The following KRT10 variants were observed in gnomAD, a reference collection of about 807,000 sequenced individuals.
KRT10 encodes the protein keratin, type I cytoskeletal 10.
In KRT10, 40 loss-of-function variants were observed where a neutral mutation model predicts 59.2. The ratio of observed to expected loss-of-function variants is 0.68; its 90% CI spans 0.52 to 0.88. KRT10 has a LOEUF of 0.88. Ranked by LOEUF, KRT10 falls within the 40% of genes least tolerant of loss-of-function variation. The pLI, the probability that KRT10 is intolerant of heterozygous loss-of-function variation, is 0.00. For missense variants in KRT10, 719 were observed against 749.1 expected (o/e 0.96, Z 0.47); for synonymous variants, 336 against 310.7 (o/e 1.08, Z -0.86).
At position 40,822,345 on chromosome 17, in the gene KRT10, C is replaced by A; in HGVS notation, c.241G>T (p.Gly81Cys). 6.3e-7 allele frequency: 1 copy of A among 1,599,052 alleles called. No homozygotes were observed. Among genetic ancestry groups the A allele is most frequent in the Non-Finnish European group, 8.5e-7 (1 of 1,171,740 alleles). Reference protein sequence around the residue: ...SGGYGGLGGFGGGSFRGSYGS... With the variant: ...SGGYGGLGGFCGGSFRGSYGS... ...TAGCTTCCACGAAAGCTACCTCCAC[C>A]AAAACCTCCTAATCCTCCATAGCCA... Residue 81 changes from glycine to cysteine, a missense_variant, in exon 1 of 8, where the codon GGT becomes TGT. Around this residue, in one of 4 missense-constraint regions of KRT10, gnomAD observed 176 missense variants for 175.7 expected, o/e 1.00. Transcript: ENST00000269576.
chr17:40,818,590 C>T, intron 7 of KRT10, 108 bp from the exon 8 acceptor site: 1 of 1,247,948 alleles, frequency 8.0e-7, no homozygotes, highest in Non-Finnish European at 1.2e-6. Context: ...TTGTTAAGCC[C>T]AAAAAAATGC....
In KRT10 at chr17:40,819,148, C is replaced by T. The variant is rs1436403533; in HGVS notation, c.1387G>A (p.Gly463Arg). Residue 463 changes from glycine (G) to arginine (R), a missense_variant, in exon 7 of 8, where the codon GGA (glycine) becomes AGA (arginine). Around this residue, in one of 4 missense-constraint regions of KRT10, gnomAD observed 315 missense variants for 270.6 expected, o/e 1.16. Transcript: ENST00000269576. ...LEGEGSSGGG[G>R]RGGGSFGGGY... is the part of the protein sequence containing the mutation. Reference sequence around the variant, plus strand: ...CCGCCGAAACTTCCGCCGCCGCGTCCGCCGCCTCCGGAACTAAACGGGGTG... The same window carrying T: ...CCGCCGAAACTTCCGCCGCCGCGTCTGCCGCCTCCGGAACTAAACGGGGTG... 3.2e-6 allele frequency: 5 copies of T among 1,543,190 alleles called. No homozygotes were observed. Among genetic ancestry groups the T allele is most frequent in the Non-Finnish European group, 3.5e-6 (4 of 1,154,548 alleles).
chr17:40,820,268 A>G lies in KRT10; in HGVS notation c.1023T>C (p.Asn341=), dbSNP rs1274036860. The G allele has an allele frequency of 1.4e-5, 22 of 1,614,102 alleles. No individual in the cohort carries two copies. Among genetic ancestry groups the G allele is most frequent in the Non-Finnish European group, 1.9e-5 (22 of 1,180,050 alleles). ...QNRKDAEAWF[N]EKSKELTTEI... ...ATAAGGAAGATTACTTTACCTTTTC[A>G]TTGAACCAGGCTTCAGCATCTTTGC... Residue 341 remains asparagine (N), a synonymous_variant, in exon 4 of 8, where the codon AAT becomes AAC. Transcript: ENST00000269576.
chr17:40,819,272 C>T (rs930341331), intron 6 of KRT10, 111 bp from the exon 7 acceptor site: 2 of 1,558,668 alleles, frequency 1.3e-6, no homozygotes, highest in African/African-American at 2.7e-5. Flanking sequence ...AAAATAAAAC[C>T]CTGCCAGGTA....
chr17:40,819,013 TTC>T lies in KRT10; in HGVS notation c.1520_1521del (p.Gly507GlufsTer73). The T allele has an allele frequency of 8.0e-7, 1 of 1,246,602 alleles. No individual in the cohort carries two copies. The highest frequency in any genetic ancestry group is 1.8e-5 in the South Asian group (1 of 56,266). 77.2% of individuals were successfully genotyped at this position (1,246,602 alleles called of 1,614,324 possible). On this transcript the variant is annotated frameshift_variant, in exon 7 of 8. Coordinates refer to ENST00000269576, the MANE Select transcript of KRT10 (RefSeq NM_000421.5). LOFTEE classifies it high-confidence loss of function. ...GGYGGGSSGG[G>X]SSGGGYGGGS... ...CCGCCCCCGTAGCCGCCGCCGGAGC[TTC>T]CGCCGCCGGAGCTTCCGCCTCCGTA...
At position 40,822,399 on chromosome 17, in the gene KRT10, C is replaced by A. The variant is rs779464426; in HGVS notation, c.187G>T (p.Gly63Cys). 11 of 1,612,624 alleles carry A rather than the reference C, an allele frequency of 6.8e-6. No individual in the cohort carries two copies. Among genetic ancestry groups the A allele is most frequent in the Non-Finnish European group, 9.3e-6 (11 of 1,179,094 alleles). ...GATGAGCCCCCAAAGCAGCCCCCAC[C>A]AGAGCTCCCACGGCTAAAAGAGCCA... ...SGGSFSRGSS[G>C]GGCFGGSSGG... The change falls in exon 1 of 8, where the codon GGT becomes TGT. Residue 63 changes from glycine to cysteine, a missense_variant. By Grantham distance (159) the Gly-to-Cys change is radical. Coordinates refer to ENST00000269576, the MANE Select transcript of KRT10 (RefSeq NM_000421.5).
Position 40,822,258 on chromosome 17 carries a change from C to A in KRT10, c.328G>T (p.Gly110Cys). Residue 110 changes from glycine (G) to cysteine (C), a missense_variant, in exon 1 of 8, where the codon GGC becomes TGC. Around this residue, in one of 4 missense-constraint regions of KRT10, gnomAD observed 176 missense variants for 175.7 expected, o/e 1.00. Transcript: ENST00000269576. ...CCAAAGCTGCCCCCACCAAAGCTGCCACCTCCGAAACTGCCCCCTCCAAAG... is the reference window on the plus strand; with the variant it reads ...CCAAAGCTGCCCCCACCAAAGCTGCAACCTCCGAAACTGCCCCCTCCAAAG... Reference protein sequence around the residue: ...GIFGGGSFGGGSFGGGSFGGG... With the variant: ...GIFGGGSFGGCSFGGGSFGGG... The A allele has an allele frequency of 1.2e-6, 2 of 1,604,490 alleles. No individual in the cohort carries two copies. Among genetic ancestry groups the A allele is most frequent in the South Asian group, 2.2e-5 (2 of 90,626 alleles).
chr17:40,822,306 A>G lies in KRT10; in HGVS notation c.280T>C (p.Phe94Leu). The G allele has an allele frequency of 6.3e-7, 1 of 1,597,226 alleles. No homozygotes were observed. The highest frequency in any genetic ancestry group is 8.5e-7 in the Non-Finnish European group (1 of 1,171,216). ...SFRGSYGSSS[F>L]GGSYGGIFGG... ...AAGATGCCTCCATAACTCCCACCAAAGCTGCTACTTCCATAGCTTCCACGA... is the reference window on the plus strand; with the variant it reads ...AAGATGCCTCCATAACTCCCACCAAGGCTGCTACTTCCATAGCTTCCACGA... Residue 94 changes from phenylalanine to leucine, a missense_variant, in exon 1 of 8, where the codon TTT becomes CTT. Phe to Leu is a conservative substitution (Grantham distance 22, BLOSUM62 0). This residue lies in a region of KRT10 where 176 missense variants were observed against 175.7 expected (regional missense o/e 1.00). Transcript: ENST00000269576.
chr17:40,819,262 A>G, intron 6 of KRT10, 101 bp from the exon 7 acceptor site: 1 of 1,570,716 alleles, frequency 6.4e-7, no homozygotes, highest in South Asian at 1.2e-5. Context: ...ACGTGTTGAA[A>G]AAATAAAACC....
In KRT10 at chr17:40,818,916, C is replaced by T; in HGVS notation, c.1619G>A (p.Gly540Asp). Residue 540 changes from glycine to aspartate, a missense_variant, in exon 7 of 8, where the codon GGC (glycine) becomes GAC (aspartate). Coordinates refer to ENST00000269576, the MANE Select transcript of KRT10 (RefSeq NM_000421.5). ...GCCGGAGCTGCCGCCCCCGTAGCCGCCGCCGCCGCCGCCGGAACTGCCACC... is the reference window on the plus strand; with the variant it reads ...GCCGGAGCTGCCGCCCCCGTAGCCGTCGCCGCCGCCGCCGGAACTGCCACC... Reference protein sequence around the residue: ...YGGGSSGGGGGGYGGGSSGGG... With the variant: ...YGGGSSGGGGDGYGGGSSGGG... 1.4e-6 allele frequency: 2 copies of T among 1,398,816 alleles called. No homozygotes were observed. The highest frequency in any genetic ancestry group is 1.5e-5 in the South Asian group (1 of 67,876). 86.7% of individuals were successfully genotyped at this position (1,398,816 alleles called of 1,614,324 possible). A position where few individuals can be genotyped will look rare whatever the true frequency, so the allele number is the denominator to read the frequency against.
At position 40,822,238 on chromosome 17, in the gene KRT10, G is replaced by C; in HGVS notation, c.348C>G (p.Ser116Arg). 6.2e-7 allele frequency: 1 copy of C among 1,610,392 alleles called. No individual in the cohort carries two copies. The highest frequency in any genetic ancestry group is 8.5e-7 in the Non-Finnish European group (1 of 1,177,302). The stretch of plus-strand genomic sequence containing the variant: ...CTCCACCAAAGCCGCCTCCACCAAA[G>C]CTGCCCCCACCAAAGCTGCCACCTC... The part of the protein sequence containing the change: ...SFGGGSFGGG[S>R]FGGGGFGGGG... Residue 116 changes from serine (S) to arginine (R), a missense_variant, in exon 1 of 8, where the codon AGC becomes AGG. Ser to Arg is a moderately radical substitution (Grantham distance 110). This residue lies in a region of KRT10 where 176 missense variants were observed against 175.7 expected (regional missense o/e 1.00). Coordinates refer to ENST00000269576, the MANE Select transcript of KRT10 (RefSeq NM_000421.5).
chr17:40,818,684 T>C (rs1905160066), intron 7 of KRT10, 103 bp downstream of exon 7: 1 of 1,563,358 alleles, frequency 6.4e-7, no homozygotes, highest in African/African-American at 1.4e-5. Context: ...GAACCGTCTC[T>C]AAGATTTTTA....
rs769510355 is a variant in KRT10, at chr17:40,818,962, T to TTCC, written c.1572_1573insGGA (p.Gly524dup). 19 of 1,323,946 alleles carry TTCC rather than the reference T, an allele frequency of 1.4e-5. No individual in the cohort carries two copies. In the South Asian group the frequency reaches 1.6e-4, roughly 11 times the overall value. The allele number at this position is 1,323,946 out of a possible 1,614,324, so 82.0% of individuals were successfully genotyped here. ...CCACCACCGTAGCCGCCGCTGGAACTGCCGCCGTGGCCGCCGCTGGAGCTT... is the reference window on the plus strand; with the variant it reads ...CCACCACCGTAGCCGCCGCTGGAACTTCCGCCGCCGTGGCCGCCGCTGGAGCTT... On this transcript the variant is annotated inframe_insertion, in exon 7 of 8. Transcript: ENST00000269576.
At position 40,820,913 on chromosome 17, in the gene KRT10, A is replaced by G. The variant is rs921857667; in HGVS notation, c.710+122T>C. ...ATGGAAAATTTCTCAGATAACTCCAATACTATTTAACTTTGGGTGAATTCA... is the reference window on the plus strand; with the variant it reads ...ATGGAAAATTTCTCAGATAACTCCAGTACTATTTAACTTTGGGTGAATTCA... On this transcript the variant is annotated intron_variant, in intron 2 of 7. Coordinates refer to ENST00000269576, the MANE Select transcript of KRT10 (RefSeq NM_000421.5). 11 of 941,126 alleles carry G rather than the reference A, an allele frequency of 1.2e-5. No homozygotes were observed. The Middle Eastern group carries it at 7.3e-4, about 63-fold the overall frequency. The allele number at this position is 941,126 out of a possible 1,614,324, so 58.3% of individuals were successfully genotyped here.
In KRT10 at chr17:40,818,322, T is replaced by A; in HGVS notation, c.*154A>T. ...GTTTTCTTGGAGACTTTGTTTTCCA[T>A]GCATCTGTAAATAATGGTCTGTGTG... On this transcript the variant is annotated 3_prime_UTR_variant, in exon 8 of 8. Transcript: ENST00000269576. 2 of 982,996 alleles carry A rather than the reference T, an allele frequency of 2.0e-6. No homozygotes were observed. The highest frequency in any genetic ancestry group is 3.1e-6 in the Non-Finnish European group (2 of 645,610). 60.9% of individuals were successfully genotyped at this position (982,996 alleles called of 1,614,324 possible).
rs1334258116 is a variant in KRT10, at chr17:40,818,155, G to C, written c.*321C>G. ...TAAGAAAGTTTATTGAAATTCATTA[G>C]TAAATGAGAACAGAAAGTTGTTTTT... On this transcript the variant is annotated 3_prime_UTR_variant, in exon 8 of 8. Coordinates refer to ENST00000269576, the MANE Select transcript of KRT10 (RefSeq NM_000421.5). The C allele has an allele frequency of 3.0e-6, 1 of 338,526 alleles. No homozygotes were observed. The highest frequency in any genetic ancestry group is 5.4e-5 in the East Asian group (1 of 18,428). The allele number at this position is 338,526 out of a possible 1,614,324, so 21.0% of individuals were successfully genotyped here.
chr17:40,818,899 T>TGCCGCCCCCGTAGCC lies in KRT10; in HGVS notation c.1621_1635dup (p.Gly541_Gly545dup), dbSNP rs773311306. 6 of 1,267,028 alleles carry TGCCGCCCCCGTAGCC rather than the reference T, an allele frequency of 4.7e-6. 1 individual carries two copies. In the South Asian group the frequency reaches 7.2e-5, roughly 15 times the overall value. 78.5% of individuals were successfully genotyped at this position (1,267,028 alleles called of 1,614,324 possible). A position where few individuals can be genotyped will look rare whatever the true frequency, so the allele number is the denominator to read the frequency against. ...CCGGAGCTGCTGCCGCCGCCGGAGCTGCCGCCCCCGTAGCCGCCGCCGCCG... is the reference window on the plus strand; with the variant it reads ...CCGGAGCTGCTGCCGCCGCCGGAGCTGCCGCCCCCGTAGCCGCCGCCCCCGTAGCCGCCGCCGCCG... On this transcript the variant is annotated inframe_insertion, in exon 7 of 8. Transcript: ENST00000269576.
chr17:40,820,016 AAAGTTG>A, intron 5 of KRT10, 27 bp downstream of exon 5: 1 of 1,611,180 alleles, frequency 6.2e-7, no homozygotes, highest in Non-Finnish European at 8.5e-7. Flanking sequence ...TTTGTATGAT[AAAGTTG>A]AAGTCATTTC....
chr17:40,820,859 T>C (rs1479751949), intron 2 of KRT10, among the ~76,000 whole-genome samples, 176 bp downstream of exon 2: 6 of 152,212 alleles, frequency 3.9e-5, no homozygotes, highest in African/African-American at 1.4e-4. Flanking sequence ...ATTTTCTTCC[T>C]TTAATATTGC....
Sources: allele counts gnomAD v4.1 joint callset (sites outside exome capture counted in the v4.1 genomes callset), GRCh38; gene constraint gnomAD v4.1.1; regional missense constraint gnomAD v4.1.1; transcripts MANE v1.5; gene names NCBI Gene and HGNC (gene_info 2026-07-23, HGNC 2026-07-21).